TBL1XR1: variants seen among roughly 807,000 people sequenced by gnomAD.
TBL1XR1 encodes F-box-like/WD repeat-containing protein TBL1XR1.
TBL1XR1 carries 5 observed loss-of-function variants against 66.9 expected under a neutral mutation model. That is an observed-to-expected ratio of 0.07 (90% CI 0.04 to 0.16). TBL1XR1 has a LOEUF of 0.16. Among genes scored for constraint, TBL1XR1 ranks in the 10% least tolerant of loss-of-function variants. The pLI, the probability that TBL1XR1 is intolerant of heterozygous loss-of-function variation, is 1.00. For missense variants in TBL1XR1, 238 were observed against 623.2 expected (o/e 0.38, Z 6.58); for synonymous variants, 210 against 206.0 (o/e 1.02, Z -0.17).
chr3:177,171,756 C>T (rs1440266057), intron 1 of TBL1XR1, among the ~76,000 whole-genome samples: 1 of 141,322 alleles, frequency 7.1e-6, no homozygotes, highest in Admixed American at 7.1e-5. Context: ...AAAAGAAATC[C>T]AGGGCTTTTT....
At chr3:177,114,198 C>G (rs1726000212) in intron 1 of TBL1XR1, among the ~76,000 whole-genome samples, 1 of 151,092 alleles carries the variant, frequency 6.6e-6, no homozygotes, top group African/African-American at 2.5e-5. Context: ...ATTCCTCTCT[C>G]TATATGTATA....
At chr3:177,193,970 T>G (rs776247920) in intron 1 of TBL1XR1, 3 of 152,178 alleles carry the variant, frequency 2.0e-5, no homozygotes, top group African/African-American at 7.2e-5. Flanking sequence ...ATAAACAGCA[T>G]AGAAAGCACC....
At chr3:177,063,752 T>C (rs182621796) in intron 3 of TBL1XR1, among the ~76,000 whole-genome samples, 2 of 152,314 alleles carry the variant, frequency 1.3e-5, no homozygotes, top group East Asian at 3.9e-4. Flanking sequence ...ACTTCAAAGC[T>C]TCATTATAAA....
At chr3:177,082,721 A>C (rs1231798939) in intron 2 of TBL1XR1, among the ~76,000 whole-genome samples, 2 of 77,158 alleles carry the variant, frequency 2.6e-5, no homozygotes, top group Non-Finnish European at 5.7e-5. Flanking sequence ...ACTATTACTA[A>C]ATTTCTAAGA....
At chr3:177,176,186 T>C (rs1734125856) in intron 1 of TBL1XR1, among the ~76,000 whole-genome samples, 1 of 151,808 alleles carries the variant, frequency 6.6e-6, no homozygotes, top group Admixed American at 6.5e-5. Context: ...AATATGTAAC[T>C]TGTTAATTTT....
At chr3:177,030,699 T>C (rs1043726183) in intron 14 of TBL1XR1, among the ~76,000 whole-genome samples, 2 of 152,226 alleles carry the variant, frequency 1.3e-5, no homozygotes, top group African/African-American at 4.8e-5. Flanking sequence ...CTGTTTGAAA[T>C]GTATAATTAT....
intron 10 of TBL1XR1, among the ~76,000 whole-genome samples, chr3:177,042,306 A>G (rs1715694628): frequency 6.6e-6 from 1 of 152,228 alleles, no homozygotes; most frequent in African/African-American, 2.4e-5. Flanking sequence ...AGTGTTATTC[A>G]CAAGGCCAAA....
rs1374593316 is a variant in TBL1XR1 at position 177,180,256 on chromosome 3, A to G, written c.-122+16865T>C. 2.9e-5 allele frequency among the ~76,000 whole-genome samples: 4 copies of G among 138,684 alleles called. No individual in the cohort carries two copies. In the East Asian group the frequency reaches 8.1e-4, roughly 28 times the overall value. 91.0% of individuals were successfully genotyped at this position (138,684 alleles called of 152,430 possible). Reference sequence around the variant, plus strand: ...GTCTCAAAAAAAAAAAAAAAAAAAAAAGCATACCCACTACAAGAAACAGAG... The same window carrying G: ...GTCTCAAAAAAAAAAAAAAAAAAAAGAGCATACCCACTACAAGAAACAGAG... On this transcript the variant is annotated intron_variant, in intron 1 of 15. Transcript: ENST00000457928.
At position 177,060,673 on chromosome 3, in the gene TBL1XR1, A is replaced by C. The variant is rs201540427; in HGVS notation, c.58+4247T>G. 3.9e-4 allele frequency among the ~76,000 whole-genome samples: 60 copies of C among 152,362 alleles called. No individual in the cohort carries two copies. In the East Asian group the frequency reaches 7.9e-3, roughly 20 times the overall value. ...TTCAAACCACAACTGCAAATAACTA[A>C]AGAAGTCAATGGTGACGCAAAAGGT... On this transcript the variant is annotated intron_variant, in intron 3 of 15. Transcript: ENST00000457928.
intron 1 of TBL1XR1, among the ~76,000 whole-genome samples, chr3:177,104,875 T>C (rs1724679814): frequency 6.6e-6 from 1 of 152,176 alleles, no homozygotes. Context: ...AACTCTCAAG[T>C]ATTTCTAAAT....
intron 1 of TBL1XR1, among the ~76,000 whole-genome samples, chr3:177,175,690 T>A (rs1293342928): frequency 3.3e-5 from 5 of 152,306 alleles, no homozygotes; most frequent in Non-Finnish European, 5.9e-5. Flanking sequence ...GAAACAAATA[T>A]CTTAAGTCAC....
chr3:177,082,633 T>C (rs1039089369), intron 2 of TBL1XR1, among the ~76,000 whole-genome samples: 1 of 150,402 alleles, frequency 6.6e-6, no homozygotes, highest in African/African-American at 2.4e-5. Flanking sequence ...AATACAACTA[T>C]ACTTGTCTCT....
chr3:177,089,452 T>A (rs960449817), intron 2 of TBL1XR1, among the ~76,000 whole-genome samples: 6 of 152,248 alleles, frequency 3.9e-5, no homozygotes, highest in Admixed American at 3.9e-4. Flanking sequence ...AAAAGAGACA[T>A]GTTCTACACT....
intron 3 of TBL1XR1, among the ~76,000 whole-genome samples, chr3:177,055,543 G>A (rs1425718545): frequency 4.0e-5 from 6 of 150,678 alleles, no homozygotes; most frequent in Admixed American, 6.6e-5. Context: ...GATACCAATC[G>A]GGGGGCGGGG....
chr3:177,100,427 A>AC (rs199701659), intron 1 of TBL1XR1, among the ~76,000 whole-genome samples: 3 of 151,626 alleles, frequency 2.0e-5, no homozygotes, highest in Admixed American at 2.0e-4. Context: ...TGAATAATGT[A>AC]CTTTTTTTTT....
At chr3:177,097,384 A>G (rs1046738466) in intron 2 of TBL1XR1, among the ~76,000 whole-genome samples, 7 of 152,234 alleles carry the variant, frequency 4.6e-5, no homozygotes, top group African/African-American at 1.4e-4. Flanking sequence ...ATTTTTTTTA[A>G]GAGAGAATCA....
intron 1 of TBL1XR1, among the ~76,000 whole-genome samples, chr3:177,133,238 G>A (rs1403977473): frequency 6.6e-6 from 1 of 152,172 alleles, no homozygotes; most frequent in Non-Finnish European, 1.5e-5. Context: ...AGTGAGCTAA[G>A]ATTGCGCCAC....
intron 15 of TBL1XR1, chr3:177,025,998 C>T: frequency 3.5e-6 from 1 of 286,318 alleles, no homozygotes; most frequent in South Asian, 4.5e-5. Context: ...AACACAGGAA[C>T]CAACTGCCTC....
intron 11 of TBL1XR1, 25 bp from the exon 12 acceptor site, chr3:177,038,197 A>AT: frequency 6.2e-7 from 1 of 1,610,608 alleles, no homozygotes. Flanking sequence ...AAATATTCAC[A>AT]TTTTCATTGT....
Sources: gnomAD v4.1 joint callset for allele counts (sites outside exome capture counted in the v4.1 genomes callset) on GRCh38, gnomAD v4.1.1 for gene constraint, MANE v1.5 for transcripts, NCBI Gene and HGNC (gene_info 2026-07-23, HGNC 2026-07-21) for gene names.